The following RSPRY1 variants were observed in gnomAD, a reference collection of about 807,000 sequenced individuals.
RSPRY1 encodes the protein ring finger and SPRY domain containing 1, also known as RING finger and SPRY domain-containing protein 1.
A neutral mutation model predicts 73.1 loss-of-function variants in RSPRY1; 23 were observed. That is an observed-to-expected ratio of 0.31 (90% CI 0.23 to 0.45). The LOEUF is 0.45. RSPRY1 is among the 20% of genes least tolerant of loss of function. The pLI is 1.00. For synonymous variants in RSPRY1, 226 were observed against 251.4 expected (o/e 0.90, Z 0.95); for missense variants, 448 against 698.7 (o/e 0.64, Z 4.05).
chr16:57,204,791 A>G lies in RSPRY1; in HGVS notation c.133A>G (p.Ile45Val), dbSNP rs1396445718. The G allele has an allele frequency of 4.3e-6, 7 of 1,614,200 alleles. No homozygotes were observed. Among genetic ancestry groups the G allele is most frequent in the Non-Finnish European group, 5.1e-6 (6 of 1,180,042 alleles). ...CGCTACTACCATGGGTAATTCCTGTATCTGCCGAGATGACAGTGGAACAGA... is the reference window on the plus strand; with the variant it reads ...CGCTACTACCATGGGTAATTCCTGTGTCTGCCGAGATGACAGTGGAACAGA... ...GAATTMGNSC[I>V]CRDDSGTDDS... The change falls in exon 2 of 15, where the codon ATC (isoleucine) becomes GTC (valine). Residue 45 changes from isoleucine (I) to valine (V), a missense_variant. Coordinates refer to ENST00000394420, the MANE Select transcript of RSPRY1 (RefSeq NM_133368.3).
At chr16:57,231,671 G>A (rs1312658105) in intron 13 of RSPRY1, among the ~76,000 whole-genome samples, 1 of 152,126 alleles carries the variant, frequency 6.6e-6, no homozygotes, top group Non-Finnish European at 1.5e-5. Context: ...ATAAAAATCA[G>A]AAAAATATGA....
In RSPRY1 at chr16:57,208,113, AT is replaced by A; in HGVS notation, c.403+8del. The A allele has an allele frequency of 6.4e-7, 1 of 1,559,034 alleles. No homozygotes were observed. The highest frequency in any genetic ancestry group is 8.8e-7 in the Non-Finnish European group (1 of 1,140,840). On this transcript the variant is annotated splice_donor_region_variant and intron_variant, in intron 3 of 14. Coordinates refer to ENST00000394420, the MANE Select transcript of RSPRY1 (RefSeq NM_133368.3). ...ATTACACGAAATGGCAGAAACAGGT[AT>A]TTTTAGTTTTGTTTTCATTACTTTA... is the stretch of plus-strand genomic sequence containing the variant.
At chr16:57,200,226 G>A (rs1567488012) in intron 1 of RSPRY1, among the ~76,000 whole-genome samples, 1 of 148,888 alleles carries the variant, frequency 6.7e-6, no homozygotes, top group Non-Finnish European at 1.5e-5. Flanking sequence ...TTGGGGGTAA[G>A]GTCACAGATC....
chr16:57,213,238 A>G, intron 5 of RSPRY1, 140 bp downstream of exon 5: 1 of 772,772 alleles, frequency 1.3e-6, no homozygotes, highest in Non-Finnish European at 1.9e-6. Flanking sequence ...GACTAACTGG[A>G]AGAAAATTAC....
chr16:57,193,576 T>G (rs2074387601), intron 1 of RSPRY1, among the ~76,000 whole-genome samples: 1 of 150,602 alleles, frequency 6.6e-6, no homozygotes, highest in African/African-American at 2.4e-5. Flanking sequence ...CACTGCAACC[T>G]CCACCTTCTG....
In RSPRY1 at chr16:57,212,060, C is replaced by G. The variant is rs556170872; in HGVS notation, c.517-912C>G. Among the ~76,000 whole-genome samples, 374 of 152,190 alleles carry G rather than the reference C, an allele frequency of 2.5e-3. 2 individuals are homozygous for G. Among genetic ancestry groups the G allele is most frequent in the Middle Eastern group, 3.4e-3 (1 of 294 alleles). On this transcript the variant is annotated intron_variant, in intron 4 of 14. Transcript: ENST00000394420. The stretch of plus-strand genomic sequence containing the variant: ...GGTGCAGTGGTTCATGCCTATAATC[C>G]CAAAACTTTTGGGGGCTGAAGCAGG...
chr16:57,196,805 T>C lies in RSPRY1; in HGVS notation c.-155-7699T>C, dbSNP rs79674757. Among the ~76,000 whole-genome samples the C allele has an allele frequency of 4.3e-3, 650 of 152,362 alleles. 6 individuals carry two copies. Among genetic ancestry groups the C allele is most frequent in the African/African-American group, 0.015 (612 of 41,578 alleles). ...TAATTTAGTTATTTCTGATTAGATATGTGCTCATTTTGTAACATCTTGCAT... is the reference window on the plus strand; with the variant it reads ...TAATTTAGTTATTTCTGATTAGATACGTGCTCATTTTGTAACATCTTGCAT... On this transcript the variant is annotated intron_variant, in intron 1 of 14. Coordinates refer to ENST00000394420, the MANE Select transcript of RSPRY1 (RefSeq NM_133368.3).
At chr16:57,210,090 T>G (rs966793979) in intron 4 of RSPRY1, among the ~76,000 whole-genome samples, 3 of 138,014 alleles carry the variant, frequency 2.2e-5, no homozygotes, top group African/African-American at 7.9e-5. Flanking sequence ...TTCCCTTTCC[T>G]TCTTGCCTCC....
intron 6 of RSPRY1, among the ~76,000 whole-genome samples, chr16:57,215,088 A>C (rs1034083412): frequency 6.6e-6 from 1 of 151,896 alleles, no homozygotes; most frequent in Non-Finnish European, 1.5e-5. Flanking sequence ...CCGGGGTGTC[A>C]TGAAAGTCAG....
At chr16:57,211,272 A>G (rs1287274063) in intron 4 of RSPRY1, among the ~76,000 whole-genome samples, 2 of 151,510 alleles carry the variant, frequency 1.3e-5, no homozygotes, top group Non-Finnish European at 2.9e-5. Flanking sequence ...CTGTTAAAAA[A>G]AAAAAAAAAA....
rs560893271 is a variant in RSPRY1, at chr16:57,225,421, A to ATT, written c.1162-1920_1162-1919insTT. Among the ~76,000 whole-genome samples, 3 of 152,358 alleles carry ATT rather than the reference A, an allele frequency of 2.0e-5. No homozygotes were observed. In the East Asian group the frequency reaches 5.8e-4, roughly 29 times the overall value. ...AACTCTTGAGTAGTCTGAATAGTGA[A>ATT]TATCAATAGCTATTTCAGAAGAGTC... On this transcript the variant is annotated intron_variant, in intron 10 of 14. Coordinates refer to ENST00000394420, the MANE Select transcript of RSPRY1 (RefSeq NM_133368.3).
At position 57,230,905 on chromosome 16, in the gene RSPRY1, A is replaced by C. The variant is rs973518017; in HGVS notation, c.1376+92A>C. 2.2e-5 allele frequency: 17 copies of C among 773,092 alleles called. No individual in the cohort carries two copies. The African/African-American group carries it at 2.6e-4, about 12-fold the overall frequency. 47.9% of individuals were successfully genotyped at this position (773,092 alleles called of 1,614,324 possible). A position where few individuals can be genotyped will look rare whatever the true frequency, so the allele number is the denominator to read the frequency against. ...AAAGTCTTTGTCCATTTATATATGCAATTGTGATGAGAAATTGATTAATTT... is the reference window on the plus strand; with the variant it reads ...AAAGTCTTTGTCCATTTATATATGCCATTGTGATGAGAAATTGATTAATTT... On this transcript the variant is annotated intron_variant, in intron 12 of 14. Transcript: ENST00000394420.
intron 1 of RSPRY1, among the ~76,000 whole-genome samples, chr16:57,195,195 C>T (rs2074417777): frequency 6.6e-6 from 1 of 152,212 alleles, no homozygotes. Flanking sequence ...TAATTATGCT[C>T]TTGCAGCAAA....
chr16:57,192,822 C>G (rs2074374244), intron 1 of RSPRY1, among the ~76,000 whole-genome samples: 1 of 151,818 alleles, frequency 6.6e-6, no homozygotes, highest in Non-Finnish European at 1.5e-5. Context: ...CCTCCCACCC[C>G]TCACTCCCAC....
chr16:57,215,866 T>G (rs2074929662), intron 6 of RSPRY1, among the ~76,000 whole-genome samples: 1 of 152,188 alleles, frequency 6.6e-6, no homozygotes, highest in Non-Finnish European at 1.5e-5. Context: ...CTTTTGAAAT[T>G]TCCAAATCTA....
At chr16:57,216,309 C>G in intron 7 of RSPRY1, 136 bp downstream of exon 7, 1 of 649,444 alleles carries the variant, frequency 1.5e-6, no homozygotes, top group Non-Finnish European at 2.7e-6. Context: ...TGGATAGACA[C>G]GTTAAAGCCA....
rs2075352792 is a variant in RSPRY1 at position 57,239,803 on chromosome 16, T to C, written c.*828T>C. The C allele has an allele frequency of 6.6e-6, 1 of 152,118 alleles. No individual in the cohort carries two copies. The highest frequency in any genetic ancestry group is 2.4e-5 in the African/African-American group (1 of 41,430). The allele number at this position is 152,118 out of a possible 1,614,324, so 9.4% of individuals were successfully genotyped here. ...TTTCAAGGTACCATCAAATCAGATT[T>C]CTGTTTTTTTGTTAAAAAAAATTTT... On this transcript the variant is annotated 3_prime_UTR_variant, in exon 15 of 15. Transcript: ENST00000394420.
chr16:57,231,707 CT>C (rs2075223531), intron 13 of RSPRY1, among the ~76,000 whole-genome samples: 1 of 152,166 alleles, frequency 6.6e-6, no homozygotes, highest in Non-Finnish European at 1.5e-5. Context: ...TGCAAACTAA[CT>C]TCACGTGAAT....
intron 2 of RSPRY1, among the ~76,000 whole-genome samples, chr16:57,206,676 C>T (rs1420105042): frequency 6.6e-6 from 1 of 152,142 alleles, no homozygotes; most frequent in Non-Finnish European, 1.5e-5. Flanking sequence ...CATCCTCCCA[C>T]CTCAGCCTCC....
Sources: allele counts gnomAD v4.1 joint callset (sites outside exome capture counted in the v4.1 genomes callset), GRCh38; gene constraint gnomAD v4.1.1; transcripts MANE v1.5; gene names NCBI Gene and HGNC (gene_info 2026-07-23, HGNC 2026-07-21).